ELL: variants seen among roughly 807,000 people sequenced by gnomAD.
ELL encodes the protein elongation factor for RNA polymerase II, also known as RNA polymerase II elongation factor ELL.
In ELL, 18 loss-of-function variants were observed where a neutral mutation model predicts 64.0. The observed-to-expected ratio is 0.28, with a 90% confidence interval of 0.19 to 0.42. The LOEUF is 0.42. Ranked by LOEUF, ELL falls within the 10% of genes least tolerant of loss-of-function variation. ELL has a pLI of 1.00. For missense variants in ELL, 797 were observed against 870.4 expected (o/e 0.92, Z 1.06); for synonymous variants, 399 against 376.2 (o/e 1.06, Z -0.70).
At chr19:18,510,140 G>A (rs548013082) in intron 1 of ELL, among the ~76,000 whole-genome samples, 1 of 152,302 alleles carries the variant, frequency 6.6e-6, no homozygotes, top group African/African-American at 2.4e-5. Flanking sequence ...GGCCAAGGTG[G>A]GTGGATCACT....
intron 1 of ELL, 79 bp downstream of exon 1, chr19:18,521,842 G>A (rs1278419836): frequency 6.7e-7 from 1 of 1,491,566 alleles, no homozygotes; most frequent in Non-Finnish European, 8.9e-7. Context: ...TCCGAGCCCG[G>A]ACGCCTCAGT....
intron 1 of ELL, among the ~76,000 whole-genome samples, chr19:18,489,322 T>A (rs1473730528): frequency 6.6e-6 from 1 of 152,156 alleles, no homozygotes; most frequent in African/African-American, 2.4e-5. Flanking sequence ...TTCAGCCAGG[T>A]CAGACAACCA....
rs1313446188 is a variant in ELL at position 18,522,025 on chromosome 19, C to G, written c.31G>C (p.Gly11Arg). Residue 11 changes from glycine to arginine, a missense_variant, in exon 1 of 12, where the codon GGG (glycine) becomes CGG (arginine). By Grantham distance (125) the Gly-to-Arg change is moderately radical (BLOSUM62 -2). Transcript: ENST00000262809. ...TCGCTAACCCGCCCGCACGACAGCC[C>G]GTAGCTCCTATCCTCCTTCAGCGCC... Reference protein sequence around the residue: MAALKEDRSYGLSCGRVSDGS... With the variant: MAALKEDRSYRLSCGRVSDGS... The G allele has an allele frequency of 1.9e-6, 3 of 1,610,456 alleles. No individual in the cohort carries two copies. Among genetic ancestry groups the G allele is most frequent in the East Asian group, 2.3e-5 (1 of 44,380 alleles).
At chr19:18,515,026 TG>T (rs1976100156) in intron 1 of ELL, among the ~76,000 whole-genome samples, 1 of 152,236 alleles carries the variant, frequency 6.6e-6, no homozygotes, top group African/African-American at 2.4e-5. Flanking sequence ...TCAAAGGTGA[TG>T]AACTACGGCC....
rs1975784226 is a variant in ELL, at chr19:18,501,805, C to A, written c.135+20116G>T. 1.3e-5 allele frequency among the ~76,000 whole-genome samples: 2 copies of A among 152,214 alleles called. No individual in the cohort carries two copies. Among genetic ancestry groups the A allele is most frequent in the South Asian group, 2.1e-4 (1 of 4,832 alleles). Reference sequence around the variant, plus strand: ...GTCCATCCTTGGGGAGCATCTCCCCCACATCCTCAACCTCCAGCTACGTGT... The same window carrying A: ...GTCCATCCTTGGGGAGCATCTCCCCAACATCCTCAACCTCCAGCTACGTGT... On this transcript the variant is annotated intron_variant, in intron 1 of 11. Transcript: ENST00000262809. This position sits in a 1 kb window ranked among gnomAD's most constrained non-coding sequence, Gnocchi z 4.5.
intron 1 of ELL, among the ~76,000 whole-genome samples, chr19:18,477,599 G>A (rs144262618): frequency 2.9e-3 from 447 of 152,268 alleles, no homozygotes; most frequent in Non-Finnish European, 4.5e-3. Flanking sequence ...AGCCAGCCCC[G>A]ACACTGGGAG....
At chr19:18,508,765 C>A (rs1975938286) in intron 1 of ELL, among the ~76,000 whole-genome samples, 1 of 152,216 alleles carries the variant, frequency 6.6e-6, no homozygotes, top group Admixed American at 6.5e-5. Flanking sequence ...GCAAGAGCAG[C>A]CATAAATTAC....
Position 18,450,635 on chromosome 19 carries a change from G to C in ELL, c.1307C>G (p.Pro436Arg). The stretch of plus-strand genomic sequence containing the variant: ...CGAGGGGCTGCCGTGTGGCCTGCTG[G>C]GCTGGGCACAGTCCGTCAGCAGGGG... ...GLPLLTDCAQ[P>R]SRPHGSPSRS... Residue 436 changes from proline (P) to arginine (R), a missense_variant, in exon 8 of 12, where the codon CCC (proline) becomes CGC (arginine). Physicochemically the swap from Pro to Arg is moderately radical, Grantham distance 103. Transcript: ENST00000262809. 1 of 1,607,236 alleles carries C rather than the reference G, an allele frequency of 6.2e-7. No individual in the cohort carries two copies. Among genetic ancestry groups the C allele is most frequent in the Non-Finnish European group, 8.5e-7 (1 of 1,177,480 alleles).
In ELL at chr19:18,444,965, C is replaced by T. The variant is rs561708426; in HGVS notation, c.1750-97G>A. On this transcript the variant is annotated intron_variant, in intron 11 of 11. Coordinates refer to ENST00000262809, the MANE Select transcript of ELL (RefSeq NM_006532.4). ...GTCCCCCCCAAACCAAAAACCTGGG[C>T]TTGGTGCCCAGCAAGGAGGGTTGTG... is the stretch of plus-strand genomic sequence containing the variant. The T allele has an allele frequency of 2.2e-6, 3 of 1,356,338 alleles. No individual in the cohort carries two copies. The African/African-American group carries it at 4.3e-5, about 20-fold the overall frequency. 84.0% of individuals were successfully genotyped at this position (1,356,338 alleles called of 1,614,324 possible).
intron 1 of ELL, among the ~76,000 whole-genome samples, chr19:18,517,948 C>T (rs575062405): frequency 2.1e-4 from 32 of 150,028 alleles, no homozygotes; most frequent in East Asian, 2.0e-3. Context: ...AGGCCAGGCA[C>T]GAAGGCTCAC....
At chr19:18,463,323 ATCT>A (rs1237498421) in intron 4 of ELL, among the ~76,000 whole-genome samples, 1 of 125,090 alleles carries the variant, frequency 8.0e-6, no homozygotes, top group Admixed American at 8.2e-5. Flanking sequence ...GCACATTCAC[ATCT>A]TTTTTTTTTT....
At chr19:18,492,632 A>G (rs1484511749) in intron 1 of ELL, among the ~76,000 whole-genome samples, 1 of 152,198 alleles carries the variant, frequency 6.6e-6, no homozygotes, top group African/African-American at 2.4e-5. Context: ...TGAGCGACTG[A>G]TAACTCTCCT....
intron 1 of ELL, among the ~76,000 whole-genome samples, chr19:18,508,727 C>G (rs1975937010): frequency 6.6e-6 from 1 of 152,268 alleles, no homozygotes. Flanking sequence ...GTGAGCTAGA[C>G]AGTTGCAGCC....
chr19:18,457,835 A>AG (rs1158455648), intron 6 of ELL, among the ~76,000 whole-genome samples: 1 of 152,144 alleles, frequency 6.6e-6, no homozygotes, highest in Non-Finnish European at 1.5e-5. Context: ...GGCTCTTTTC[A>AG]AAAAGTCAGT....
intron 1 of ELL, among the ~76,000 whole-genome samples, chr19:18,517,900 A>T (rs1406492248): frequency 6.6e-6 from 1 of 151,164 alleles, no homozygotes; most frequent in East Asian, 2.0e-4. Context: ...AAAAAAAAAA[A>T]AAGAAGGAGA....
intron 1 of ELL, among the ~76,000 whole-genome samples, chr19:18,519,554 C>T (rs991951936): frequency 6.6e-6 from 1 of 152,184 alleles, no homozygotes; most frequent in African/African-American, 2.4e-5. Context: ...TGCCTGTAGT[C>T]CCAGCACTTT....
intron 8 of ELL, among the ~76,000 whole-genome samples, chr19:18,448,013 T>C (rs1231723626): frequency 6.6e-6 from 1 of 152,080 alleles, no homozygotes; most frequent in African/African-American, 2.4e-5. Context: ...CTGAAACTCC[T>C]GACCTCAAGC....
At chr19:18,463,421 GC>G (rs1415328513) in intron 4 of ELL, among the ~76,000 whole-genome samples, 1 of 133,114 alleles carries the variant, frequency 7.5e-6, no homozygotes, top group Non-Finnish European at 1.5e-5. Context: ...TGCAACCTCC[GC>G]CTTCCAGGTT....
chr19:18,482,508 T>C (rs899712546), intron 1 of ELL, among the ~76,000 whole-genome samples: 6 of 151,822 alleles, frequency 4.0e-5, no homozygotes, highest in Admixed American at 3.3e-4. Flanking sequence ...GCTTATTTTT[T>C]TGTATTTTTA....
Sources: gnomAD v4.1 joint callset for allele counts (sites outside exome capture counted in the v4.1 genomes callset) on GRCh38, gnomAD v4.1.1 for gene constraint, Gnocchi (gnomAD v3.1) non-coding constraint, MANE v1.5 for transcripts, NCBI Gene and HGNC (gene_info 2026-07-23, HGNC 2026-07-21) for gene names.